The following SLIT3 variants were observed in gnomAD, a reference collection of about 807,000 sequenced individuals.
SLIT3 encodes the protein slit guidance ligand 3.
Under a neutral mutation model 184.0 loss-of-function variants are expected in SLIT3, and 68 were observed. The ratio of observed to expected loss-of-function variants is 0.37; its 90% confidence interval spans 0.30 to 0.45. SLIT3 has a LOEUF of 0.45. Ranked by LOEUF, SLIT3 falls within the 20% of genes least tolerant of loss-of-function variation. The probability of loss-of-function intolerance (pLI) is 1.00; values close to 1 mark genes in which losing one functional copy is unlikely to be tolerated. For synonymous variants in SLIT3, 831 were observed against 828.6 expected, an observed-to-expected ratio of 1.00 and a Z score of -0.05; for missense variants, 1,707 against 2,026.0, an observed-to-expected ratio of 0.84 and a Z score of 3.02.
At chr5:168,777,237 C>G (rs188108706) in intron 12 of SLIT3, among the ~76,000 whole-genome samples, 3,227 of 149,808 alleles carry the variant, frequency 0.022, 47 homozygotes, top group Non-Finnish European at 0.033. Flanking sequence ...GACATATGCT[C>G]TCTATTTGCC....
intron 1 of SLIT3, among the ~76,000 whole-genome samples, chr5:169,263,025 AT>A (rs1363190393): frequency 6.6e-6 from 1 of 152,216 alleles, no homozygotes; most frequent in African/African-American, 2.4e-5. Flanking sequence ...CCCTAATCCA[AT>A]AGGACTGGTG....
intron 10 of SLIT3, among the ~76,000 whole-genome samples, chr5:168,792,837 T>G (rs1017997104): frequency 3.3e-5 from 5 of 152,202 alleles, no homozygotes; most frequent in African/African-American, 1.2e-4. Flanking sequence ...CTCCAAAATC[T>G]GAAACTTTCT....
chr5:168,958,613 C>T (rs1481883116), intron 4 of SLIT3, among the ~76,000 whole-genome samples: 1 of 152,228 alleles, frequency 6.6e-6, no homozygotes, highest in African/African-American at 2.4e-5. Flanking sequence ...CACCATATGA[C>T]ACTTCCACCT....
At chr5:168,809,290 A>G (rs1241008712) in intron 8 of SLIT3, among the ~76,000 whole-genome samples, 1 of 152,148 alleles carries the variant, frequency 6.6e-6, no homozygotes, top group Non-Finnish European at 1.5e-5. Flanking sequence ...CTACATTTCA[A>G]GGGATGCTGT....
intron 4 of SLIT3, among the ~76,000 whole-genome samples, chr5:169,153,567 T>A (rs534361225): frequency 6.6e-6 from 1 of 152,366 alleles, no homozygotes; most frequent in East Asian, 1.9e-4. Context: ...TGGCTTTTCT[T>A]AAATATGCAG....
chr5:168,811,530 T>C (rs1757156947), intron 8 of SLIT3, among the ~76,000 whole-genome samples: 1 of 152,162 alleles, frequency 6.6e-6, no homozygotes, highest in Non-Finnish European at 1.5e-5. Flanking sequence ...AGCCTTGGAA[T>C]CTCAAGAGGT....
chr5:168,857,274 T>C (rs1200402391), intron 5 of SLIT3, among the ~76,000 whole-genome samples: 2 of 152,204 alleles, frequency 1.3e-5, no homozygotes, highest in African/African-American at 4.8e-5. Context: ...AATAAGTGCA[T>C]TGTTCACACT....
At chr5:168,843,795 T>G (rs1337107091) in intron 6 of SLIT3, among the ~76,000 whole-genome samples, 1 of 152,198 alleles carries the variant, frequency 6.6e-6, no homozygotes, top group African/African-American at 2.4e-5. Flanking sequence ...ACAATTCAAC[T>G]TTAGTTGGAA....
At chr5:168,826,691 A>T (rs1023121558) in intron 6 of SLIT3, among the ~76,000 whole-genome samples, 44 of 152,230 alleles carry the variant, frequency 2.9e-4, no homozygotes, top group Non-Finnish European at 5.6e-4. Flanking sequence ...GATGTTACTG[A>T]TAACTGCTAA....
At chr5:168,753,474 T>G (rs1754787546) in intron 17 of SLIT3, among the ~76,000 whole-genome samples, 1 of 152,266 alleles carries the variant, frequency 6.6e-6, no homozygotes, top group African/African-American at 2.4e-5. Flanking sequence ...TGCCTGTTTG[T>G]ATATATGTTT....
At chr5:168,960,306 C>A (rs926337454) in intron 4 of SLIT3, among the ~76,000 whole-genome samples, 1 of 152,174 alleles carries the variant, frequency 6.6e-6, no homozygotes, top group African/African-American at 2.4e-5. Flanking sequence ...AGTTAAGGAG[C>A]CATGCCTCTT....
chr5:168,867,238 T>A (rs1391112149), intron 5 of SLIT3, among the ~76,000 whole-genome samples: 3 of 152,174 alleles, frequency 2.0e-5, no homozygotes, highest in Non-Finnish European at 4.4e-5. Flanking sequence ...ACTTTACCAT[T>A]ATGACTTTAA....
At chr5:169,157,900 C>A (rs144052745) in intron 4 of SLIT3, among the ~76,000 whole-genome samples, 1 of 150,898 alleles carries the variant, frequency 6.6e-6, no homozygotes, top group Non-Finnish European at 1.5e-5. Flanking sequence ...TGGGTTCCAC[C>A]GTAAAATTGA....
At chr5:169,057,694 G>A (rs2113083427) in intron 4 of SLIT3, among the ~76,000 whole-genome samples, 1 of 152,318 alleles carries the variant, frequency 6.6e-6, no homozygotes, top group South Asian at 2.1e-4. Flanking sequence ...ACTCCCCACG[G>A]TGCCAGAAGA....
intron 1 of SLIT3, among the ~76,000 whole-genome samples, chr5:169,274,366 C>T (rs1766731554): frequency 6.6e-6 from 1 of 152,230 alleles, no homozygotes; most frequent in Non-Finnish European, 1.5e-5. Flanking sequence ...CTACTTTAAC[C>T]TCCTTATGCA....
At chr5:168,929,924 C>T (rs529535839) in intron 4 of SLIT3, among the ~76,000 whole-genome samples, 4 of 152,310 alleles carry the variant, frequency 2.6e-5, no homozygotes, top group South Asian at 2.1e-4. Flanking sequence ...TGTCCTTCCT[C>T]GGGGACCACA....
intron 4 of SLIT3, among the ~76,000 whole-genome samples, chr5:169,048,726 C>G (rs6555846): frequency 0.18 from 27,702 of 152,152 alleles, 3,637 homozygotes; most frequent in East Asian, 0.52. Context: ...CGGATAATAA[C>G]AGCCGTATTA....
chr5:168,783,349 A>C (rs2113568381), intron 12 of SLIT3, among the ~76,000 whole-genome samples: 1 of 152,050 alleles, frequency 6.6e-6, no homozygotes, highest in South Asian at 2.1e-4. Flanking sequence ...CACCGAGAAA[A>C]GCTCCCAGGA....
chr5:169,157,515 T>C (rs967892040), intron 4 of SLIT3, among the ~76,000 whole-genome samples: 1 of 152,198 alleles, frequency 6.6e-6, no homozygotes, highest in Non-Finnish European at 1.5e-5. Context: ...GTAGAGAATT[T>C]GGATTTCCAC....
Sources: allele counts gnomAD v4.1 joint callset (sites outside exome capture counted in the v4.1 genomes callset), GRCh38; gene constraint gnomAD v4.1.1; transcripts MANE v1.5; gene names NCBI Gene and HGNC (gene_info 2026-07-23, HGNC 2026-07-21).